Variants in IFT122 observed in about 807,000 individuals in gnomAD.
IFT122 encodes intraflagellar transport 122.
In IFT122, 118 loss-of-function variants were observed where a neutral mutation model predicts 161.6. The observed-to-expected ratio is 0.73, with a 90% confidence interval of 0.63 to 0.85. The LOEUF is 0.85. Among genes scored for constraint, IFT122 ranks in the 40% least tolerant of loss-of-function variants. The probability of loss-of-function intolerance (pLI) is 0.00; values close to 1 mark genes in which losing one functional copy is unlikely to be tolerated. For missense variants in IFT122, 1,381 were observed against 1,579.6 expected (o/e 0.87, Z 2.13); for synonymous variants, 550 against 602.4 (o/e 0.91, Z 1.27).
rs781675973 is a variant in IFT122 at position 129,488,414 on chromosome 3, C to T, written c.1992+17C>T. On this transcript the variant is annotated intron_variant, in intron 16 of 29. Coordinates refer to ENST00000348417, the MANE Select transcript of IFT122 (RefSeq NM_052989.3). ...GCAAAGAAGGTAAGCATCTAGCCAG[C>T]AGGAGCTGGAGTTTGGTCCTTGTGG... is the stretch of plus-strand genomic sequence containing the variant. 11 of 1,613,832 alleles carry T rather than the reference C, an allele frequency of 6.8e-6. No individual in the cohort carries two copies. The highest frequency in any genetic ancestry group is 9.3e-6 in the Non-Finnish European group (11 of 1,179,946).
chr3:129,515,432 G>C, intron 25 of IFT122, 56 bp from the exon 26 acceptor site: 1 of 1,177,384 alleles, frequency 8.5e-7, no homozygotes, highest in Non-Finnish European at 1.2e-6. Context: ...CAGAGTCCAG[G>C]GGGAGGAGGA....
rs2078453399 is a variant in IFT122 at position 129,480,039 on chromosome 3, A to G, written c.1488+117A>G. 1.2e-5 allele frequency: 15 copies of G among 1,291,186 alleles called. No individual in the cohort carries two copies. In the East Asian group the frequency reaches 2.6e-4, roughly 22 times the overall value. 80.0% of individuals were successfully genotyped at this position (1,291,186 alleles called of 1,614,324 possible). A position where few individuals can be genotyped will look rare whatever the true frequency, so the allele number is the denominator to read the frequency against. On this transcript the variant is annotated intron_variant, in intron 13 of 29. Coordinates refer to ENST00000348417, the MANE Select transcript of IFT122 (RefSeq NM_052989.3). The stretch of plus-strand genomic sequence containing the variant: ...GGCAGGAAAAGGGCTTCTCTCCTCC[A>G]TGGGTGAATTGTGGGGCAGCCTGAG...
At chr3:129,493,184 A>AT (rs1335518762) in intron 17 of IFT122, among the ~76,000 whole-genome samples, 1 of 151,888 alleles carries the variant, frequency 6.6e-6, no homozygotes, top group Non-Finnish European at 1.5e-5. Flanking sequence ...AGGCATATAC[A>AT]TTTTTTCTCC....
chr3:129,485,257 A>G (rs1468712418), intron 15 of IFT122, among the ~76,000 whole-genome samples: 1 of 152,184 alleles, frequency 6.6e-6, no homozygotes, highest in Non-Finnish European at 1.5e-5. Context: ...CTTTTAGGGA[A>G]ATTTCCAGGT....
chr3:129,493,583 A>C lies in IFT122; in HGVS notation c.2046+1389A>C, dbSNP rs139910289. Among the ~76,000 whole-genome samples the C allele has an allele frequency of 3.9e-5, 6 of 152,336 alleles. No homozygotes were observed. In the East Asian group the frequency reaches 1.2e-3, roughly 29 times the overall value. On this transcript the variant is annotated intron_variant, in intron 17 of 29. Coordinates refer to ENST00000348417, the MANE Select transcript of IFT122 (RefSeq NM_052989.3). ...CAAAAACTTGGTGGAATTCAAGCCC[A>C]GTCTATTTCCTAAGCTCATGCTCTC...
intron 7 of IFT122, among the ~76,000 whole-genome samples, chr3:129,465,160 T>G (rs1016498278): frequency 7.4e-6 from 1 of 135,678 alleles, no homozygotes; most frequent in Non-Finnish European, 1.6e-5. Context: ...TGTGTGTGTG[T>G]GGTGTGTGAG....
At chr3:129,483,455 C>T (rs770396563) in intron 14 of IFT122, 30 bp from the exon 15 acceptor site, 39 of 1,605,618 alleles carry the variant, frequency 2.4e-5, no homozygotes, top group Non-Finnish European at 2.9e-5. Context: ...GGGTGGTTCT[C>T]ACAGGATCCC....
intron 6 of IFT122, among the ~76,000 whole-genome samples, chr3:129,463,976 A>G (rs926953639): frequency 6.6e-6 from 1 of 152,190 alleles, no homozygotes; most frequent in African/African-American, 2.4e-5. Context: ...CTGAATTAGA[A>G]TCCAGAATCT....
intron 11 of IFT122, among the ~76,000 whole-genome samples, 162 bp downstream of exon 11, chr3:129,476,963 G>A (rs1005393817): frequency 2.8e-5 from 4 of 142,576 alleles, no homozygotes; most frequent in Admixed American, 7.0e-5. Context: ...TTTTTTTTTG[G>A]TGGGGGAAGT....
intron 3 of IFT122, 133 bp from the exon 4 acceptor site, chr3:129,458,466 C>T (rs2075792608): frequency 1.3e-6 from 1 of 770,816 alleles, no homozygotes; most frequent in Non-Finnish European, 2.2e-6. Context: ...TCCTGCCTCC[C>T]AGTACTGATA....
At chr3:129,486,913 C>T (rs184974406) in intron 15 of IFT122, among the ~76,000 whole-genome samples, 13 of 152,216 alleles carry the variant, frequency 8.5e-5, no homozygotes, top group African/African-American at 3.1e-4. Context: ...TGCTGCCCCG[C>T]TAAAGGGAGC....
intron 1 of IFT122, among the ~76,000 whole-genome samples, chr3:129,447,446 G>A (rs2074150039): frequency 6.6e-6 from 1 of 152,184 alleles, no homozygotes; most frequent in East Asian, 1.9e-4. Flanking sequence ...AAAGGATTGT[G>A]GAGACCCATG....
rs549797581 is a variant in IFT122 at position 129,484,388 on chromosome 3, C to T, written c.1851+706C>T. On this transcript the variant is annotated intron_variant, in intron 15 of 29. Transcript: ENST00000348417. ...CAGCATCCCATCCTCAGGACAGAATCACTCTTAAACATGTTGAAATACATC... is the reference window on the plus strand; with the variant it reads ...CAGCATCCCATCCTCAGGACAGAATTACTCTTAAACATGTTGAAATACATC... Among the ~76,000 whole-genome samples, 10 of 152,284 alleles carry T rather than the reference C, an allele frequency of 6.6e-5. No homozygotes were observed. In the South Asian group the frequency reaches 2.1e-3, roughly 32 times the overall value.
intron 15 of IFT122, chr3:129,488,055 T>C (rs2079528391): frequency 5.3e-6 from 4 of 748,366 alleles, no homozygotes; most frequent in African/African-American, 3.4e-5. Context: ...TGGAGCACAG[T>C]AGCCCAGTCA....
At chr3:129,444,054 C>A (rs1289122722) in intron 1 of IFT122, among the ~76,000 whole-genome samples, 2 of 152,166 alleles carry the variant, frequency 1.3e-5, no homozygotes, top group African/African-American at 4.8e-5. Flanking sequence ...ATCTAATAAT[C>A]CACCATAGCA....
intron 4 of IFT122, chr3:129,459,204 C>T (rs2075876572): frequency 9.5e-6 from 4 of 421,978 alleles, no homozygotes; most frequent in African/African-American, 2.1e-5. Context: ...CTCACAATTG[C>T]AGTTTTAGGT....
chr3:129,454,044 G>A (rs2075160832), intron 3 of IFT122, among the ~76,000 whole-genome samples: 1 of 152,142 alleles, frequency 6.6e-6, no homozygotes. Context: ...AATGAACCTT[G>A]GAGATTATTC....
chr3:129,456,154 T>G, intron 3 of IFT122: 1 of 846,722 alleles, frequency 1.2e-6, no homozygotes, highest in Non-Finnish European at 1.7e-6. Flanking sequence ...GTCATGCAGC[T>G]GGTCAGTGAG....
At chr3:129,471,918 A>C (rs537327547) in intron 9 of IFT122, among the ~76,000 whole-genome samples, 41 of 152,310 alleles carry the variant, frequency 2.7e-4, no homozygotes, top group African/African-American at 9.4e-4. Context: ...TACAAGGATT[A>C]ACTCTTTTAA....
Sources: allele counts gnomAD v4.1 joint callset (sites outside exome capture counted in the v4.1 genomes callset), GRCh38; gene constraint gnomAD v4.1.1; transcripts MANE v1.5; gene names NCBI Gene and HGNC (gene_info 2026-07-23, HGNC 2026-07-21).